Variants in SLA2 observed in about 807,000 individuals in gnomAD.
SLA2 encodes the protein src-like-adapter 2.
SLA2 carries 22 observed loss-of-function variants against 27.3 expected under a neutral mutation model. The observed-to-expected ratio is 0.81, with a 90% CI of 0.58 to 1.15. The LOEUF (loss-of-function observed/expected upper bound fraction) is 1.15. Ranked by LOEUF, SLA2 falls within the 50% of genes most tolerant of loss-of-function variation. The pLI, the probability that SLA2 is intolerant of heterozygous loss-of-function variation, is 0.00. For synonymous variants in SLA2, 131 were observed against 137.8 expected (o/e 0.95, Z 0.34); for missense variants, 304 against 322.2 (o/e 0.94, Z 0.43).
At chr20:36,626,399 A>C (rs1235690891) in intron 5 of SLA2, among the ~76,000 whole-genome samples, 6 of 147,338 alleles carry the variant, frequency 4.1e-5, no homozygotes, top group African/African-American at 1.5e-4. Flanking sequence ...TAAAAAAAAA[A>C]AAACACACAC....
intron 5 of SLA2, among the ~76,000 whole-genome samples, chr20:36,616,848 G>A (rs989694829): frequency 1.1e-4 from 16 of 150,508 alleles, no homozygotes; most frequent in Non-Finnish European, 2.1e-4. Context: ...ATCCCAGTTC[G>A]AGACCACCCT....
intron 5 of SLA2, among the ~76,000 whole-genome samples, chr20:36,619,175 C>G (rs994210933): frequency 1.4e-5 from 2 of 138,884 alleles, no homozygotes; most frequent in Non-Finnish European, 3.0e-5. Flanking sequence ...AAGCTGAGAT[C>G]ACGCCACTGC....
intron 5 of SLA2, among the ~76,000 whole-genome samples, chr20:36,617,006 T>C (rs1024745414): frequency 6.6e-6 from 1 of 151,080 alleles, no homozygotes; most frequent in African/African-American, 2.4e-5. Flanking sequence ...GCCGAGATTG[T>C]GCCACTGCAG....
chr20:36,618,531 C>T (rs973054425), intron 5 of SLA2, among the ~76,000 whole-genome samples: 4 of 151,936 alleles, frequency 2.6e-5, no homozygotes, highest in Admixed American at 6.6e-5. Context: ...CCACTGTGCC[C>T]GGCCAACAAA....
intron 5 of SLA2, among the ~76,000 whole-genome samples, chr20:36,616,323 TTTAA>T (rs1015067471): frequency 2.6e-5 from 4 of 151,682 alleles, no homozygotes; most frequent in African/African-American, 4.8e-5. Context: ...TTTTTTTTAT[TTTAA>T]TTTTCTTTTT....
rs779375694 is a variant in SLA2, at chr20:36,641,378, T to C, written c.-43A>G. On this transcript the variant is annotated splice_region_variant and 5_prime_UTR_variant, in exon 2 of 8. Coordinates refer to ENST00000262866, the MANE Select transcript of SLA2 (RefSeq NM_032214.4). ...CTCAGAAGCACATCATCGAGGGAAA[T>C]CTGAAAGAGACACAGTGATGGGGAC... The C allele has an allele frequency of 7.1e-6, 11 of 1,558,646 alleles. No homozygotes were observed. The highest frequency in any genetic ancestry group is 1.4e-5 in the African/African-American group (1 of 73,968).
At chr20:36,629,066 T>C (rs1271716057) in intron 5 of SLA2, among the ~76,000 whole-genome samples, 1 of 125,674 alleles carries the variant, frequency 8.0e-6, no homozygotes, top group Non-Finnish European at 1.6e-5. Flanking sequence ...ATTATGAGGA[T>C]TTTTTTTTTT....
chr20:36,643,512 C>A (rs778440663), intron 1 of SLA2, among the ~76,000 whole-genome samples: 8 of 152,174 alleles, frequency 5.3e-5, no homozygotes, highest in Non-Finnish European at 1.2e-4. Flanking sequence ...GAACCCCACA[C>A]TGCCTGGATG....
chr20:36,643,154 C>T (rs1372577405), intron 1 of SLA2, among the ~76,000 whole-genome samples: 2 of 152,384 alleles, frequency 1.3e-5, no homozygotes, highest in Middle Eastern at 3.4e-3. Flanking sequence ...ACTCAGCACA[C>T]ATTAACTAAA....
intron 5 of SLA2, among the ~76,000 whole-genome samples, chr20:36,628,821 G>A (rs1452380290): frequency 1.3e-5 from 2 of 151,954 alleles, no homozygotes. Flanking sequence ...CTCACAATGT[G>A]CTGGGATTAC....
At chr20:36,627,754 A>G (rs1006778994) in intron 5 of SLA2, among the ~76,000 whole-genome samples, 2 of 152,174 alleles carry the variant, frequency 1.3e-5, no homozygotes, top group Non-Finnish European at 2.9e-5. Flanking sequence ...GAGCCTGGCC[A>G]TGGCTGTCCC....
At position 36,614,752 on chromosome 20, in the gene SLA2, T is replaced by A. The variant is rs1009950093; in HGVS notation, c.533-315A>T. 4.1e-6 allele frequency: 4 copies of A among 985,288 alleles called. No individual in the cohort carries two copies. In the African/African-American group the frequency reaches 7.0e-5, roughly 17 times the overall value. 61.0% of individuals were successfully genotyped at this position (985,288 alleles called of 1,614,324 possible). On this transcript the variant is annotated intron_variant, in intron 6 of 7. Transcript: ENST00000262866. ...AGTCTACTTCTACTCACTGTCTACT[T>A]CCACACAGAGTGACCTGCAGAAAAC...
At chr20:36,627,122 C>T (rs2039347627) in intron 5 of SLA2, among the ~76,000 whole-genome samples, 2 of 151,990 alleles carry the variant, frequency 1.3e-5, no homozygotes, top group Admixed American at 6.6e-5. Flanking sequence ...AAGGATGCAG[C>T]GGTAGAAAGA....
In SLA2 at chr20:36,612,466, T is replaced by C. The variant is rs2039149414; in HGVS notation, c.*1400A>G. The C allele has an allele frequency of 1.8e-6, 1 of 565,130 alleles. No individual in the cohort carries two copies. The highest frequency in any genetic ancestry group is 3.2e-6 in the Non-Finnish European group (1 of 315,868). The allele number at this position is 565,130 out of a possible 1,614,324, so 35.0% of individuals were successfully genotyped here. A position where few individuals can be genotyped will look rare whatever the true frequency, so the allele number is the denominator to read the frequency against. On this transcript the variant is annotated 3_prime_UTR_variant, in exon 8 of 8. Transcript: ENST00000262866. ...CTGAAACAGCATGGCTGTATGTGCG[T>C]GGTCCATAGCACAGTACATGCAGCA...
At position 36,614,400 on chromosome 20, in the gene SLA2, G is replaced by T; in HGVS notation, c.570C>A (p.Pro190=). The T allele has an allele frequency of 6.2e-7, 1 of 1,613,322 alleles. No homozygotes were observed. The highest frequency in any genetic ancestry group is 8.5e-7 in the Non-Finnish European group (1 of 1,179,614). ...GCGGGCCAGCCCTCTGCAGGACACAGGGCTCCTTGAGTAGGCAGCAGATGT... is the reference window on the plus strand; with the variant it reads ...GCGGGCCAGCCCTCTGCAGGACACATGGCTCCTTGAGTAGGCAGCAGATGT... ...ADDICCLLKE[P]CVLQRAGPLP... is the part of the protein sequence containing the mutation. Residue 190 remains proline (P), a synonymous_variant, in exon 7 of 8, where the codon CCC becomes CCA. Coordinates refer to ENST00000262866, the MANE Select transcript of SLA2 (RefSeq NM_032214.4).
At position 36,632,623 on chromosome 20, in the gene SLA2, G is replaced by A; in HGVS notation, c.354C>T (p.Phe118=). The part of the protein sequence containing the change: ...LLLPGNPGGA[F]LIRESQTRRG... ...TCCTGGTCTGGCTCTCCCGGATGAG[G>A]AAGGCCCCTCCAGGGTTCCCAGGTA... The change falls in exon 5 of 8, where the codon TTC becomes TTT. Residue 118 remains phenylalanine (F), a synonymous_variant. Transcript: ENST00000262866. 3 of 1,614,178 alleles carry A rather than the reference G, an allele frequency of 1.9e-6. No individual in the cohort carries two copies. Among genetic ancestry groups the A allele is most frequent in the Non-Finnish European group, 2.5e-6 (3 of 1,180,002 alleles).
chr20:36,632,614 C>G lies in SLA2; in HGVS notation c.363G>C (p.Arg121=). 1 of 1,614,164 alleles carries G rather than the reference C, an allele frequency of 6.2e-7. No homozygotes were observed. The highest frequency in any genetic ancestry group is 1.1e-5 in the South Asian group (1 of 91,086). ...PGNPGGAFLI[R]ESQTRRGSYS... ...ACTCACCTCTCCTGGTCTGGCTCTC[C>G]CGGATGAGGAAGGCCCCTCCAGGGT... Residue 121 remains arginine (R), a synonymous_variant, in exon 5 of 8, where the codon CGG becomes CGC. Transcript: ENST00000262866.
chr20:36,618,172 A>T (rs955753947), intron 5 of SLA2, among the ~76,000 whole-genome samples: 1 of 152,132 alleles, frequency 6.6e-6, no homozygotes, highest in African/African-American at 2.4e-5. Context: ...GGCTAAAAGT[A>T]AAAAGATGGA....
chr20:36,640,410 A>T (rs186254168), intron 2 of SLA2, among the ~76,000 whole-genome samples: 6 of 152,264 alleles, frequency 3.9e-5, no homozygotes, highest in Non-Finnish European at 7.4e-5. Flanking sequence ...TTCTGCAACA[A>T]TGGAAATGTT....
Sources: gnomAD v4.1 joint callset for allele counts (sites outside exome capture counted in the v4.1 genomes callset) on GRCh38, gnomAD v4.1.1 for gene constraint, MANE v1.5 for transcripts, NCBI Gene and HGNC (gene_info 2026-07-23, HGNC 2026-07-21) for gene names.